APMAP: variants seen among roughly 807,000 people sequenced by gnomAD.
APMAP encodes adipocyte plasma membrane-associated protein.
A neutral mutation model predicts 43.6 loss-of-function variants in APMAP; 33 were observed. That is an observed-to-expected ratio of 0.76 (90% CI 0.57 to 1.01). The LOEUF is 1.01. Among genes scored for constraint, APMAP ranks in the 50% least tolerant of loss-of-function variants. The probability of loss-of-function intolerance (pLI) is 0.00; values close to 1 mark genes in which losing one functional copy is unlikely to be tolerated. For synonymous variants in APMAP, 224 were observed against 216.7 expected, an observed-to-expected ratio of 1.03 and a Z score of -0.30; for missense variants, 498 against 540.7, an observed-to-expected ratio of 0.92 and a Z score of 0.78.
chr20:24,977,088 A>G (rs1279093606), intron 3 of APMAP, among the ~76,000 whole-genome samples: 1 of 152,262 alleles, frequency 6.6e-6, no homozygotes. Flanking sequence ...AACACCCTGT[A>G]AGATACCATA....
In APMAP at chr20:24,969,637, G is replaced by A. The variant is rs199515877; in HGVS notation, c.737C>T (p.Thr246Ile). 1.2e-4 allele frequency: 197 copies of A among 1,613,856 alleles called. No homozygotes were observed. Among genetic ancestry groups the A allele is most frequent in the Non-Finnish European group, 1.6e-4 (193 of 1,179,782 alleles). ...DGRLLEYDTV[T>I]REVKVLLDQL... ...GTCCAATAAAACTTTTACTTCCCTGGTCACAGTATCATACTCCAGCAGGCT... is the reference window on the plus strand; with the variant it reads ...GTCCAATAAAACTTTTACTTCCCTGATCACAGTATCATACTCCAGCAGGCT... The change falls in exon 7 of 9, where the codon ACC (threonine) becomes ATC (isoleucine). Residue 246 changes from threonine (T) to isoleucine (I), a missense_variant. By Grantham distance (89) the Thr-to-Ile change is moderately conservative. Coordinates refer to ENST00000217456, the MANE Select transcript of APMAP (RefSeq NM_020531.3).
At chr20:24,986,202 C>T (rs1226236167) in intron 1 of APMAP, among the ~76,000 whole-genome samples, 1 of 152,194 alleles carries the variant, frequency 6.6e-6, no homozygotes, top group African/African-American at 2.4e-5. Flanking sequence ...TAATAATCTT[C>T]CAAAAATGAA....
intron 3 of APMAP, among the ~76,000 whole-genome samples, chr20:24,977,044 C>T (rs1484577417): frequency 2.0e-5 from 3 of 152,204 alleles, no homozygotes; most frequent in African/African-American, 7.2e-5. Flanking sequence ...GTGGAATGAA[C>T]AGGCAGAGCA....
chr20:24,966,782 T>G (rs1475542100), intron 8 of APMAP, among the ~76,000 whole-genome samples: 3 of 152,138 alleles, frequency 2.0e-5, no homozygotes, highest in Non-Finnish European at 4.4e-5. Context: ...TGGCAAAATC[T>G]GAATGGGGCC....
chr20:24,992,365 T>C (rs973264007), intron 1 of APMAP, among the ~76,000 whole-genome samples: 1 of 152,188 alleles, frequency 6.6e-6, no homozygotes, highest in Admixed American at 6.5e-5. Flanking sequence ...ACGCGGCGAC[T>C]GGGCGCAGGG....
chr20:24,980,496 G>C (rs942003861), intron 2 of APMAP, among the ~76,000 whole-genome samples: 6 of 144,812 alleles, frequency 4.1e-5, no homozygotes, highest in South Asian at 2.3e-4. Flanking sequence ...GCTCGGCCTC[G>C]GTCACCTCTA....
intron 7 of APMAP, 74 bp from the exon 8 acceptor site, chr20:24,969,158 A>G: frequency 7.2e-7 from 1 of 1,389,252 alleles, no homozygotes; most frequent in East Asian, 2.4e-5. Flanking sequence ...CCAAGCACCA[A>G]ACTGGTCTTG....
chr20:24,976,162 A>G (rs780971722), intron 3 of APMAP, among the ~76,000 whole-genome samples: 6 of 152,228 alleles, frequency 3.9e-5, no homozygotes. Flanking sequence ...TTAGATATAA[A>G]ACCAAGGTGA....
intron 2 of APMAP, among the ~76,000 whole-genome samples, chr20:24,982,831 A>ACCCC (rs3086643): frequency 6.3e-5 from 9 of 141,974 alleles, no homozygotes; most frequent in African/African-American, 1.9e-4. Flanking sequence ...ACATCAGGGG[A>ACCCC]CCCCCCCCCG....
chr20:24,983,279 A>G (rs2122521894), intron 2 of APMAP, among the ~76,000 whole-genome samples: 1 of 152,304 alleles, frequency 6.6e-6, no homozygotes, highest in South Asian at 2.1e-4. Context: ...AGATGGCTTC[A>G]CCCCATCAGC....
intron 1 of APMAP, among the ~76,000 whole-genome samples, chr20:24,991,622 G>A (rs945589030): frequency 6.6e-6 from 1 of 152,024 alleles, no homozygotes; most frequent in Non-Finnish European, 1.5e-5. Context: ...TCATTCATAT[G>A]TACCCCACCA....
chr20:24,977,981 G>A (rs994360282), intron 3 of APMAP, among the ~76,000 whole-genome samples: 7 of 152,162 alleles, frequency 4.6e-5, no homozygotes, highest in Admixed American at 1.3e-4. Context: ...CTGGTCAAAC[G>A]TCACTAGAAG....
intron 1 of APMAP, among the ~76,000 whole-genome samples, chr20:24,987,040 T>C (rs1471176351): frequency 6.6e-6 from 1 of 152,246 alleles, no homozygotes; most frequent in Non-Finnish European, 1.5e-5. Flanking sequence ...CCCATCTAAG[T>C]TGCAGTATGT....
At chr20:24,968,508 G>A (rs6050217) in intron 8 of APMAP, among the ~76,000 whole-genome samples, 14,558 of 152,252 alleles carry the variant, frequency 0.096, 800 homozygotes, top group African/African-American at 0.12. Flanking sequence ...GGCAGAGAGG[G>A]GGGTGGAGAG....
intron 5 of APMAP, 50 bp from the exon 6 acceptor site, chr20:24,970,421 A>C: frequency 1.3e-6 from 2 of 1,529,180 alleles, no homozygotes; most frequent in Non-Finnish European, 1.8e-6. Context: ...GGAACTTCTC[A>C]ATAATTGCAA....
Position 24,963,775 on chromosome 20 carries a change from C to T in APMAP, c.*38G>A. On this transcript the variant is annotated 3_prime_UTR_variant, in exon 9 of 9. Coordinates refer to ENST00000217456, the MANE Select transcript of APMAP (RefSeq NM_020531.3). ...CAGGCCTGGTGCCTGAGTGTGAAGA[C>T]TCCTGGCCTGCGTGGCAGGGGCAGC... 1 of 1,602,532 alleles carries T rather than the reference C, an allele frequency of 6.2e-7. No homozygotes were observed. Among genetic ancestry groups the T allele is most frequent in the Non-Finnish European group, 8.5e-7 (1 of 1,170,818 alleles).
In APMAP at chr20:24,970,365, A is replaced by G. The variant is rs747534461; in HGVS notation, c.545T>C (p.Val182Ala). The change falls in exon 6 of 9, where the codon GTG becomes GCG. Residue 182 changes from valine (V) to alanine (A), a missense_variant. Coordinates refer to ENST00000217456, the MANE Select transcript of APMAP (RefSeq NM_020531.3). ...TGTCTCGGAGGACAGCAGCAGTTTC[A>G]CTTCACCTGAAGTTTAAAAAGAAAG... ...LFEVNPWKRE[V>A]KLLLSSETPI... The G allele has an allele frequency of 7.5e-6, 12 of 1,607,402 alleles. No individual in the cohort carries two copies.
intron 2 of APMAP, among the ~76,000 whole-genome samples, chr20:24,979,881 A>G (rs746077625): frequency 2.6e-5 from 4 of 151,652 alleles, no homozygotes; most frequent in Non-Finnish European, 5.9e-5. Flanking sequence ...GCATCTCCCT[A>G]TCCAGGGCCT....
At chr20:24,986,737 G>A (rs1248841495) in intron 1 of APMAP, among the ~76,000 whole-genome samples, 1 of 152,188 alleles carries the variant, frequency 6.6e-6, no homozygotes, top group Non-Finnish European at 1.5e-5. Flanking sequence ...CACAAATGAG[G>A]GAAGTGGGCA....
Sources: gnomAD v4.1 joint callset for allele counts (sites outside exome capture counted in the v4.1 genomes callset) on GRCh38, gnomAD v4.1.1 for gene constraint, MANE v1.5 for transcripts, NCBI Gene and HGNC (gene_info 2026-07-23, HGNC 2026-07-21) for gene names.